The following PSMB3 variants were observed in gnomAD, a reference collection of about 807,000 sequenced individuals.
PSMB3 encodes proteasome subunit beta type-3.
Under a neutral mutation model 23.3 loss-of-function variants are expected in PSMB3, and 5 were observed. The ratio of observed to expected loss-of-function variants is 0.21; its 90% confidence interval spans 0.11 to 0.45. PSMB3 has a LOEUF of 0.45. Among genes scored for constraint, PSMB3 ranks in the 20% least tolerant of loss-of-function variants. The pLI, the probability that PSMB3 is intolerant of heterozygous loss-of-function variation, is 0.99. For synonymous variants in PSMB3, 85 were observed against 99.8 expected (o/e 0.85, Z 0.88); for missense variants, 192 against 277.9 (o/e 0.69, Z 2.20).
rs1567641859 is a variant in PSMB3, at chr17:38,752,807, GATCCTA to G, written c.-19_-14del. On this transcript the variant is annotated 5_prime_UTR_variant, in exon 1 of 6. Coordinates refer to ENST00000619426, the MANE Select transcript of PSMB3 (RefSeq NM_002795.4). This position sits in a 1 kb window ranked among gnomAD's most constrained non-coding sequence, Gnocchi z 5.5. ...ACTGGAATTGCTCTGGCGATCGAGGGATCCTAGTACACCGCAATCATGGTGAGATGG... is the reference window on the plus strand; with the variant it reads ...ACTGGAATTGCTCTGGCGATCGAGGGGTACACCGCAATCATGGTGAGATGG... 1 of 1,614,120 alleles carries G rather than the reference GATCCTA, an allele frequency of 6.2e-7. No individual in the cohort carries two copies. The highest frequency in any genetic ancestry group is 1.7e-5 in the Admixed American group (1 of 60,030).
At chr17:38,763,656 C>T (rs565126856) in intron 5 of PSMB3, among the ~76,000 whole-genome samples, 1 of 151,962 alleles carries the variant, frequency 6.6e-6, no homozygotes, top group South Asian at 2.1e-4. Context: ...GCACGTGCCA[C>T]CATGCCCAGC....
At chr17:38,763,792 G>A (rs546222595) in intron 5 of PSMB3, among the ~76,000 whole-genome samples, 3 of 152,208 alleles carry the variant, frequency 2.0e-5, no homozygotes, top group East Asian at 1.9e-4. Context: ...ATGAGCCACC[G>A]CGCCCGGCCA....
At chr17:38,760,364 A>T (rs1332005146) in intron 3 of PSMB3, 67 bp from the exon 4 acceptor site, 4 of 1,558,812 alleles carry the variant, frequency 2.6e-6, no homozygotes, top group Non-Finnish European at 3.5e-6. Flanking sequence ...CCTTGTCTGA[A>T]TAGGCTTAAA....
intron 3 of PSMB3, among the ~76,000 whole-genome samples, chr17:38,759,017 G>C (rs1476631734): frequency 6.6e-6 from 1 of 152,200 alleles, no homozygotes; most frequent in Non-Finnish European, 1.5e-5. Flanking sequence ...CTGCACTCCA[G>C]CCTGGGCGAC....
chr17:38,762,555 T>C, intron 5 of PSMB3, 50 bp downstream of exon 5: 2 of 1,521,662 alleles, frequency 1.3e-6, no homozygotes, highest in Admixed American at 1.7e-5. Flanking sequence ...ACCCTGCCTC[T>C]CTCCCTTCTC....
At chr17:38,763,353 C>CA (rs200231323) in intron 5 of PSMB3, among the ~76,000 whole-genome samples, 1,663 of 150,168 alleles carry the variant, frequency 0.011, 9 homozygotes, top group Non-Finnish European at 0.018. Flanking sequence ...GACTCTGTCT[C>CA]AAAAAAAACA....
At chr17:38,759,121 C>T (rs1003942023) in intron 3 of PSMB3, among the ~76,000 whole-genome samples, 6 of 152,220 alleles carry the variant, frequency 3.9e-5, no homozygotes, top group African/African-American at 9.6e-5. Flanking sequence ...ACTCTTTCTA[C>T]TGAGGATATT....
intron 4 of PSMB3, among the ~76,000 whole-genome samples, chr17:38,761,369 G>A (rs1373273237): frequency 2.7e-5 from 4 of 148,784 alleles, no homozygotes; most frequent in Non-Finnish European, 5.9e-5. Context: ...AAAAAAAAGT[G>A]GTGCTGAGGA....
chr17:38,759,998 T>A (rs1908367600), intron 3 of PSMB3, among the ~76,000 whole-genome samples: 3 of 152,180 alleles, frequency 2.0e-5, no homozygotes, highest in African/African-American at 7.2e-5. Context: ...TCAGTCTGAG[T>A]TATCTTGTAT....
intron 2 of PSMB3, 122 bp downstream of exon 2, chr17:38,753,456 G>C: frequency 1.9e-6 from 2 of 1,032,294 alleles, no homozygotes; most frequent in East Asian, 2.8e-5. Context: ...AGACTTTGCC[G>C]CCTCCAAAAA....
intron 5 of PSMB3, among the ~76,000 whole-genome samples, chr17:38,763,036 T>C (rs745824729): frequency 5.3e-5 from 8 of 152,174 alleles, no homozygotes; most frequent in Non-Finnish European, 1.2e-4. Context: ...TTGGACCCTT[T>C]TGGGGGATAG....
chr17:38,762,620 G>A, intron 5 of PSMB3, 115 bp downstream of exon 5: 2 of 1,013,258 alleles, frequency 2.0e-6, no homozygotes, highest in Admixed American at 2.2e-5. Flanking sequence ...GATAAGAAAG[G>A]TGCTTTTGGC....
At chr17:38,753,045 C>A in intron 1 of PSMB3, 105 bp from the exon 2 acceptor site, 1 of 1,340,778 alleles carries the variant, frequency 7.5e-7, no homozygotes, top group Non-Finnish European at 1.0e-6. Flanking sequence ...CAGACGCCTC[C>A]GGAATGGAGA....
chr17:38,761,631 G>A (rs1202081926), intron 4 of PSMB3, among the ~76,000 whole-genome samples: 1 of 152,124 alleles, frequency 6.6e-6, no homozygotes, highest in African/African-American at 2.4e-5. Context: ...TACAGGAAGG[G>A]GCAGGTATGC....
chr17:38,754,568 C>T (rs533456644), intron 2 of PSMB3, among the ~76,000 whole-genome samples: 1 of 152,200 alleles, frequency 6.6e-6, no homozygotes, highest in Non-Finnish European at 1.5e-5. Context: ...TCTCACCCAG[C>T]CTGCCCTTTT....
chr17:38,757,451 G>A (rs1380115774), intron 3 of PSMB3, among the ~76,000 whole-genome samples: 1 of 151,984 alleles, frequency 6.6e-6, no homozygotes, highest in Non-Finnish European at 1.5e-5. Context: ...TTGGGAGGCA[G>A]AGGTTGTAGT....
At chr17:38,755,418 G>GTT (rs1908113578) in intron 2 of PSMB3, 1 of 152,014 alleles carries the variant, frequency 6.6e-6, no homozygotes, top group South Asian at 2.1e-4. Flanking sequence ...GGCCAAGGTG[G>GTT]GCAGATCACG....
At position 38,752,935 on chromosome 17, in the gene PSMB3, G is replaced by T. The variant is rs1033378641; in HGVS notation, c.3+106G>T. On this transcript the variant is annotated intron_variant, in intron 1 of 5. Transcript: ENST00000619426. This position sits in a 1 kb window ranked among gnomAD's most constrained non-coding sequence, Gnocchi z 5.5. ...GGGCCTAGGGTCGATGGAAGGAAGC[G>T]GTTTCAGTTCGAGGGGAGCGGGCCC... 3.3e-5 allele frequency: 50 copies of T among 1,516,066 alleles called. No homozygotes were observed. The highest frequency in any genetic ancestry group is 4.4e-5 in the Non-Finnish European group (49 of 1,109,736). The allele number at this position is 1,516,066 out of a possible 1,614,324, so 93.9% of individuals were successfully genotyped here.
At chr17:38,755,001 CCCT>C (rs1421519477) in intron 2 of PSMB3, among the ~76,000 whole-genome samples, 3 of 141,320 alleles carry the variant, frequency 2.1e-5, no homozygotes, top group South Asian at 2.4e-4. Context: ...TGGTGCTGCC[CCCT>C]TTTTTTTTTT....
Sources: gnomAD v4.1 joint callset for allele counts (sites outside exome capture counted in the v4.1 genomes callset) on GRCh38, gnomAD v4.1.1 for gene constraint, Gnocchi (gnomAD v3.1) non-coding constraint, MANE v1.5 for transcripts, NCBI Gene and HGNC (gene_info 2026-07-23, HGNC 2026-07-21) for gene names.